TTC4: variants seen among roughly 807,000 people sequenced by gnomAD.
TTC4 encodes hsp70/Hsp90 co-chaperone CNS1 homolog.
TTC4 carries 36 observed loss-of-function variants against 51.9 expected under a neutral mutation model. That is an observed-to-expected ratio of 0.69 (90% confidence interval 0.53 to 0.92). The LOEUF (loss-of-function observed/expected upper bound fraction) is 0.92. TTC4 is among the 40% of genes least tolerant of loss of function. TTC4 has a pLI of 0.00. For synonymous variants in TTC4, 144 were observed against 164.2 expected, an observed-to-expected ratio of 0.88 and a Z score of 0.94; for missense variants, 399 against 454.6, an observed-to-expected ratio of 0.88 and a Z score of 1.11.
At chr1:54,727,688 C>CAAAAA (rs200521894) in intron 5 of TTC4, among the ~76,000 whole-genome samples, 8 of 43,492 alleles carry the variant, frequency 1.8e-4, no homozygotes, top group South Asian at 5.7e-4. Context: ...CTCATCTCTA[C>CAAAAA]AAAAAAAAAA....
At chr1:54,739,402 C>G (rs1267771833) in intron 9 of TTC4, among the ~76,000 whole-genome samples, 1 of 152,222 alleles carries the variant, frequency 6.6e-6, no homozygotes, top group Admixed American at 6.5e-5. Flanking sequence ...CGCTGCCTCT[C>G]TGGGACTGCC....
chr1:54,739,394 C>G (rs958797897), intron 9 of TTC4, among the ~76,000 whole-genome samples: 1 of 152,212 alleles, frequency 6.6e-6, no homozygotes. Context: ...CAAGCACACG[C>G]TGCCTCTCTG....
chr1:54,741,572 C>T lies in TTC4; in HGVS notation c.*59C>T. 7.4e-7 allele frequency: 1 copy of T among 1,346,446 alleles called. No individual in the cohort carries two copies. 83.4% of individuals were successfully genotyped at this position (1,346,446 alleles called of 1,614,324 possible). On this transcript the variant is annotated 3_prime_UTR_variant, in exon 10 of 10. Coordinates refer to ENST00000371281, the MANE Select transcript of TTC4 (RefSeq NM_004623.5). ...CTCCTCTGCTGGGAACCTAGCACAC[C>T]TGAATCAGCTGGACATACTGCTGGA...
At chr1:54,726,333 CTG>C (rs1205344283) in intron 5 of TTC4, among the ~76,000 whole-genome samples, 1 of 152,150 alleles carries the variant, frequency 6.6e-6, no homozygotes, top group Admixed American at 6.5e-5. Flanking sequence ...AAGAAAAAGA[CTG>C]TAAGAATTCT....
At chr1:54,740,454 T>A (rs751871371) in intron 9 of TTC4, among the ~76,000 whole-genome samples, 3 of 152,230 alleles carry the variant, frequency 2.0e-5, no homozygotes, top group Admixed American at 6.5e-5. Flanking sequence ...TTTTAGCTGC[T>A]CATTTTCTCA....
At chr1:54,726,467 T>C (rs1645800857) in intron 5 of TTC4, among the ~76,000 whole-genome samples, 1 of 152,202 alleles carries the variant, frequency 6.6e-6, no homozygotes, top group South Asian at 2.1e-4. Flanking sequence ...TAAAAAACTC[T>C]TGGAACTAAG....
intron 7 of TTC4, among the ~76,000 whole-genome samples, chr1:54,733,424 A>AT (rs1491068820): frequency 8.7e-6 from 1 of 115,234 alleles, no homozygotes; most frequent in Non-Finnish European, 1.7e-5. Flanking sequence ...GTCTCAAAAA[A>AT]AAAAAATAAA....
intron 3 of TTC4, among the ~76,000 whole-genome samples, chr1:54,720,263 G>A (rs1325245472): frequency 6.6e-6 from 1 of 151,958 alleles, no homozygotes. Context: ...ACCACATGTG[G>A]CCTGCAACAC....
intron 8 of TTC4, among the ~76,000 whole-genome samples, chr1:54,736,186 GAGAGAGA>G (rs1645932134): frequency 2.9e-5 from 1 of 34,622 alleles, no homozygotes; most frequent in Admixed American, 2.6e-4. Flanking sequence ...GAGAGAGAGA[GAGAGAGA>G]GAGAGAGAGA....
At chr1:54,737,347 G>T in intron 8 of TTC4, 1 of 463,546 alleles carries the variant, frequency 2.2e-6, no homozygotes, top group South Asian at 2.6e-5. Context: ...ATGTTGGCAA[G>T]TTGTTGTTCT....
At position 54,736,253 on chromosome 1, in the gene TTC4, G is replaced by GGAGA. The variant is rs142589480; in HGVS notation, c.979-1314_979-1311dup. Among the ~76,000 whole-genome samples the GGAGA allele has an allele frequency of 1.0e-4, 13 of 125,044 alleles. 3 individuals are homozygous for GGAGA. In the East Asian group the frequency reaches 2.9e-3, roughly 28 times the overall value. The allele number at this position is 125,044 out of a possible 152,430, so 82.0% of individuals were successfully genotyped here. A position where few individuals can be genotyped will look rare whatever the true frequency, so the allele number is the denominator to read the frequency against. On this transcript the variant is annotated intron_variant, in intron 8 of 9. Coordinates refer to ENST00000371281, the MANE Select transcript of TTC4 (RefSeq NM_004623.5). ...GAGAGGAGAGAGAAGAGAGGAGAGA[G>GGAGA]GAGAGAGAGAGAGAGAGACCATGAA...
At chr1:54,740,096 G>T (rs1264975400) in intron 9 of TTC4, among the ~76,000 whole-genome samples, 1 of 152,142 alleles carries the variant, frequency 6.6e-6, no homozygotes, top group Non-Finnish European at 1.5e-5. Context: ...GATTGCTTGA[G>T]CCCAGCATTT....
At chr1:54,727,230 A>G (rs908253068) in intron 5 of TTC4, among the ~76,000 whole-genome samples, 3 of 152,206 alleles carry the variant, frequency 2.0e-5, no homozygotes, top group Admixed American at 6.5e-5. Context: ...TTTATTTTCA[A>G]CAAGTGTGCC....
At chr1:54,728,043 C>A (rs6588530) in intron 5 of TTC4, among the ~76,000 whole-genome samples, 1 of 152,156 alleles carries the variant, frequency 6.6e-6, no homozygotes, top group African/African-American at 2.4e-5. Context: ...GATCACACGA[C>A]CAGAGTAGTA....
At chr1:54,733,426 A>AAT (rs1557750934) in intron 7 of TTC4, among the ~76,000 whole-genome samples, 6 of 135,360 alleles carry the variant, frequency 4.4e-5, no homozygotes, top group South Asian at 2.7e-4. Flanking sequence ...CTCAAAAAAA[A>AAT]AAAATAAAAT....
At chr1:54,738,081 A>C (rs1351546901) in intron 9 of TTC4, among the ~76,000 whole-genome samples, 1 of 152,032 alleles carries the variant, frequency 6.6e-6, no homozygotes, top group Admixed American at 6.6e-5. Flanking sequence ...TTGTATTTTT[A>C]GTAGAGACGG....
chr1:54,741,597 A>C lies in TTC4; in HGVS notation c.*84A>C. ...CTGAATCAGCTGGACATACTGCTGG[A>C]GTCCAGTGCTTTCTTTCCGTCACCC... On this transcript the variant is annotated 3_prime_UTR_variant, in exon 10 of 10. Coordinates refer to ENST00000371281, the MANE Select transcript of TTC4 (RefSeq NM_004623.5). 1 of 1,135,564 alleles carries C rather than the reference A, an allele frequency of 8.8e-7. No homozygotes were observed. Among genetic ancestry groups the C allele is most frequent in the Non-Finnish European group, 1.3e-6 (1 of 754,528 alleles). The allele number at this position is 1,135,564 out of a possible 1,614,324, so 70.3% of individuals were successfully genotyped here.
intron 9 of TTC4, among the ~76,000 whole-genome samples, chr1:54,739,563 T>C (rs1046362434): frequency 2.0e-5 from 3 of 152,248 alleles, no homozygotes; most frequent in Non-Finnish European, 4.4e-5. Context: ...TGGCAGCAAG[T>C]TGGATTTGGC....
chr1:54,731,244 ATGTAT>A (rs1645862167), intron 6 of TTC4, among the ~76,000 whole-genome samples: 1 of 151,808 alleles, frequency 6.6e-6, no homozygotes, highest in African/African-American at 2.4e-5. Context: ...TTGTTTTTTG[ATGTAT>A]TAAAGTTAGT....
Sources: gnomAD v4.1 joint callset for allele counts (sites outside exome capture counted in the v4.1 genomes callset) on GRCh38, gnomAD v4.1.1 for gene constraint, MANE v1.5 for transcripts, NCBI Gene and HGNC (gene_info 2026-07-23, HGNC 2026-07-21) for gene names.